Variants in ULK4 observed in about 807,000 individuals in gnomAD.
ULK4 encodes the protein inactive serine/threonine-protein kinase ULK4.
In ULK4, 133 loss-of-function variants were observed where a neutral mutation model predicts 160.6. The ratio of observed to expected loss-of-function variants is 0.83; its 90% confidence interval spans 0.72 to 0.96. The LOEUF (loss-of-function observed/expected upper bound fraction) is 0.96. Among genes scored for constraint, ULK4 ranks in the 40% least tolerant of loss-of-function variants. ULK4 has a pLI of 0.00. For missense variants in ULK4, 1,580 were observed against 1,499.5 expected, an observed-to-expected ratio of 1.05 and a Z score of -0.89; for synonymous variants, 534 against 539.8, an observed-to-expected ratio of 0.99 and a Z score of 0.15.
chr3:41,737,760 C>T (rs1344112721), intron 22 of ULK4, among the ~76,000 whole-genome samples: 1 of 151,952 alleles, frequency 6.6e-6, no homozygotes, highest in Non-Finnish European at 1.5e-5. Flanking sequence ...TTCAATGCCT[C>T]TGTTTGTAAT....
At chr3:41,780,255 C>G (rs1399711419) in intron 21 of ULK4, among the ~76,000 whole-genome samples, 1 of 151,962 alleles carries the variant, frequency 6.6e-6, no homozygotes, top group African/African-American at 2.4e-5. Context: ...TTTCAGTGAG[C>G]CAAGATCACA....
At chr3:41,625,431 G>T (rs2033457808) in intron 30 of ULK4, among the ~76,000 whole-genome samples, 2 of 152,100 alleles carry the variant, frequency 1.3e-5, no homozygotes, top group Admixed American at 6.5e-5. Context: ...GGTCCAATTG[G>T]TGGAGACAGT....
At chr3:41,299,857 G>T (rs1335397398) in intron 35 of ULK4, among the ~76,000 whole-genome samples, 1 of 152,154 alleles carries the variant, frequency 6.6e-6, no homozygotes, top group African/African-American at 2.4e-5. Context: ...TCATGCTCAT[G>T]TTGGTAGACT....
At chr3:41,735,690 A>G (rs1026240762) in intron 22 of ULK4, among the ~76,000 whole-genome samples, 1 of 147,154 alleles carries the variant, frequency 6.8e-6, no homozygotes, top group Non-Finnish European at 1.5e-5. Context: ...AGTCCATTTT[A>G]TTATTATTAT....
At chr3:41,913,452 C>T (rs1698864898) in intron 8 of ULK4, among the ~76,000 whole-genome samples, 2 of 152,100 alleles carry the variant, frequency 1.3e-5, no homozygotes, top group South Asian at 4.1e-4. Flanking sequence ...GTCTCGATCT[C>T]CTCACCTCGT....
intron 17 of ULK4, among the ~76,000 whole-genome samples, chr3:41,863,025 T>C (rs982029503): frequency 1.3e-5 from 2 of 151,200 alleles, no homozygotes; most frequent in Non-Finnish European, 2.9e-5. Flanking sequence ...GCCAGGCCTG[T>C]CCTTCCCTTC....
In ULK4 at chr3:41,842,943, A is replaced by C. The variant is rs187462588; in HGVS notation, c.1657-6972T>G. Among the ~76,000 whole-genome samples the C allele has an allele frequency of 2.0e-5, 3 of 152,344 alleles. No individual in the cohort carries two copies. In the South Asian group the frequency reaches 6.2e-4, roughly 32 times the overall value. ...ATGGAGAAAAGTCAACTTTTTCAATAAATAGTGCTGAAGCCATCAGGCATC... is the reference window on the plus strand; with the variant it reads ...ATGGAGAAAAGTCAACTTTTTCAATCAATAGTGCTGAAGCCATCAGGCATC... On this transcript the variant is annotated intron_variant, in intron 17 of 36. Coordinates refer to ENST00000301831, the MANE Select transcript of ULK4 (RefSeq NM_017886.4).
At chr3:41,506,672 C>T (rs549064136) in intron 32 of ULK4, among the ~76,000 whole-genome samples, 1 of 149,336 alleles carries the variant, frequency 6.7e-6, no homozygotes, top group East Asian at 2.0e-4. Context: ...CAGTCCTTCA[C>T]TAATGAATCA....
chr3:41,935,874 C>A lies in ULK4; in HGVS notation c.305G>T (p.Gly102Val). The A allele has an allele frequency of 6.2e-7, 1 of 1,613,930 alleles. No individual in the cohort carries two copies. Among genetic ancestry groups the A allele is most frequent in the Non-Finnish European group, 8.5e-7 (1 of 1,179,978 alleles). Residue 102 changes from glycine (G) to valine (V), a missense_variant, in exon 4 of 37, where the codon GGA becomes GTA. Transcript: ENST00000301831. ...NLPEDVVREF[G>V]IDLISGLHHL... ...ATGTAATCCACTAATCAGGTCAATT[C>A]CAAATTCTCTCACAACATCTTCTGG... is the stretch of plus-strand genomic sequence containing the variant.
intron 27 of ULK4, among the ~76,000 whole-genome samples, chr3:41,700,591 G>A (rs1180714229): frequency 1.3e-5 from 2 of 152,104 alleles, no homozygotes; most frequent in East Asian, 3.9e-4. Flanking sequence ...CCTGGCAGAA[G>A]GAAACATGCT....
At position 41,393,034 on chromosome 3, in the gene ULK4, A is replaced by C. The variant is rs143400322; in HGVS notation, c.3678+5045T>G. Among the ~76,000 whole-genome samples the C allele has an allele frequency of 2.9e-3, 445 of 152,256 alleles. 4 individuals are homozygous for C. Among genetic ancestry groups the C allele is most frequent in the African/African-American group, 9.5e-3 (395 of 41,578 alleles). On this transcript the variant is annotated intron_variant, in intron 35 of 36. Transcript: ENST00000301831. ...AACTTGGCAGGGCTGTGTGGAGAAG[A>C]CTGAAGCTTCAGACTATGGGATAAC...
chr3:41,342,322 C>T (rs2080703558), intron 35 of ULK4, among the ~76,000 whole-genome samples: 1 of 152,194 alleles, frequency 6.6e-6, no homozygotes, highest in African/African-American at 2.4e-5. Context: ...CAGACTTGCA[C>T]TATAATCTAA....
At chr3:41,474,933 C>T (rs945221253) in intron 32 of ULK4, among the ~76,000 whole-genome samples, 1 of 151,738 alleles carries the variant, frequency 6.6e-6, no homozygotes, top group Non-Finnish European at 1.5e-5. Flanking sequence ...TATACGGAGG[C>T]TCCTTTAAAA....
intron 35 of ULK4, among the ~76,000 whole-genome samples, chr3:41,307,397 G>A (rs1244763719): frequency 6.6e-6 from 1 of 152,116 alleles, no homozygotes; most frequent in Non-Finnish European, 1.5e-5. Flanking sequence ...AACTAAGTAT[G>A]TTAATATTTT....
intron 21 of ULK4, 37 bp downstream of exon 21, chr3:41,789,624 T>A: frequency 6.7e-7 from 1 of 1,495,152 alleles, no homozygotes; most frequent in South Asian, 1.4e-5. Flanking sequence ...AGAAAACAAT[T>A]TTTAATGTAG....
intron 35 of ULK4, among the ~76,000 whole-genome samples, chr3:41,339,652 AG>A (rs1265304114): frequency 6.6e-6 from 1 of 152,198 alleles, no homozygotes; most frequent in African/African-American, 2.4e-5. Context: ...TTTTCCGATG[AG>A]GTACGAACAA....
At chr3:41,868,619 C>A (rs1696984759) in intron 17 of ULK4, among the ~76,000 whole-genome samples, 1 of 152,156 alleles carries the variant, frequency 6.6e-6, no homozygotes, top group Non-Finnish European at 1.5e-5. Flanking sequence ...TCCCAAATAG[C>A]TGCAATTACA....
intron 11 of ULK4, 117 bp downstream of exon 11, chr3:41,911,200 G>T: frequency 1.1e-6 from 1 of 928,264 alleles, no homozygotes; most frequent in Non-Finnish European, 1.6e-6. Context: ...ACTGGCATTT[G>T]GCACTAAAAT....
chr3:41,358,433 TA>T (rs1280524802), intron 35 of ULK4, among the ~76,000 whole-genome samples: 2 of 152,084 alleles, frequency 1.3e-5, no homozygotes, highest in Non-Finnish European at 2.9e-5. Context: ...TAAAGCAAGC[TA>T]AATCAGCAGG....
Sources: gnomAD v4.1 joint callset for allele counts (sites outside exome capture counted in the v4.1 genomes callset) on GRCh38, gnomAD v4.1.1 for gene constraint, MANE v1.5 for transcripts, NCBI Gene and HGNC (gene_info 2026-07-23, HGNC 2026-07-21) for gene names.